Variants in ALDH1A2 observed in about 807,000 individuals in gnomAD.
ALDH1A2 encodes the protein retinal dehydrogenase 2.
Under a neutral mutation model 60.3 loss-of-function variants are expected in ALDH1A2, and 27 were observed. The observed-to-expected ratio is 0.45, with a 90% CI of 0.33 to 0.62. The LOEUF (loss-of-function observed/expected upper bound fraction) is 0.62. Among genes scored for constraint, ALDH1A2 ranks in the 20% least tolerant of loss-of-function variants. The probability of loss-of-function intolerance (pLI) is 0.02; values close to 1 mark genes in which losing one functional copy is unlikely to be tolerated. For synonymous variants in ALDH1A2, 289 were observed against 232.4 expected (o/e 1.24, Z -2.21); for missense variants, 581 against 643.8 (o/e 0.90, Z 1.06).
rs1029640716 is a variant in ALDH1A2 at position 58,005,725 on chromosome 15, T to C, written c.493+4924A>G. On this transcript the variant is annotated intron_variant, in intron 4 of 12. Coordinates refer to ENST00000249750, the MANE Select transcript of ALDH1A2 (RefSeq NM_003888.4). ...TAACAACAAAAAACCCTATTTCAGG[T>C]TCTTTTTTTATGGGTGACCAAACAG... 4.6e-5 allele frequency among the ~76,000 whole-genome samples: 7 copies of C among 152,012 alleles called. No individual in the cohort carries two copies. The East Asian group carries it at 7.8e-4, about 17-fold the overall frequency.
chr15:58,045,880 C>G (rs1359916463), intron 1 of ALDH1A2, among the ~76,000 whole-genome samples: 1 of 151,848 alleles, frequency 6.6e-6, no homozygotes, highest in Non-Finnish European at 1.5e-5. Flanking sequence ...CTTCTTCCAC[C>G]TAAGGGAATT....
intron 1 of ALDH1A2, among the ~76,000 whole-genome samples, chr15:58,061,729 A>C (rs952792531): frequency 2.0e-5 from 3 of 151,748 alleles, no homozygotes; most frequent in Non-Finnish European, 4.4e-5. Context: ...TGTCTTTCTT[A>C]TGAATTATTC....
In ALDH1A2 at chr15:58,038,767, T is replaced by A. The variant is rs1273854818; in HGVS notation, c.118-24486A>T. Among the ~76,000 whole-genome samples the A allele has an allele frequency of 2.6e-5, 4 of 151,800 alleles. No homozygotes were observed. The East Asian group carries it at 7.7e-4, about 29-fold the overall frequency. On this transcript the variant is annotated intron_variant, in intron 1 of 12. Transcript: ENST00000249750. Reference sequence around the variant, plus strand: ...AATGGGAATTGCTACTGGTAATGGTTAATGTTCATTTCTTCCTGTTCCACT... The same window carrying A: ...AATGGGAATTGCTACTGGTAATGGTAAATGTTCATTTCTTCCTGTTCCACT...
intron 1 of ALDH1A2, among the ~76,000 whole-genome samples, chr15:58,027,277 C>G (rs1285545775): frequency 3.3e-5 from 5 of 152,180 alleles, no homozygotes; most frequent in Non-Finnish European, 5.9e-5. Context: ...ACAGCAAACT[C>G]CAACAGACCT....
chr15:57,982,471 CTTTCAT>C (rs1566937145), intron 7 of ALDH1A2, among the ~76,000 whole-genome samples: 1 of 152,116 alleles, frequency 6.6e-6, no homozygotes, highest in Non-Finnish European at 1.5e-5. Flanking sequence ...TTCTGTCAAA[CTTTCAT>C]TTTAAGAAAG....
At chr15:58,054,037 G>A (rs1896837949) in intron 1 of ALDH1A2, among the ~76,000 whole-genome samples, 1 of 152,152 alleles carries the variant, frequency 6.6e-6, no homozygotes, top group South Asian at 2.1e-4. Flanking sequence ...GAAGTCAAAT[G>A]TGGTTATTCC....
chr15:58,065,293 C>G, intron 1 of ALDH1A2: 2 of 542,804 alleles, frequency 3.7e-6, no homozygotes, highest in East Asian at 6.7e-5. Flanking sequence ...CCGTTGACGG[C>G]TGCCCCTCAA....
chr15:58,031,515 G>T (rs1896239639), intron 1 of ALDH1A2, among the ~76,000 whole-genome samples: 1 of 152,054 alleles, frequency 6.6e-6, no homozygotes. Flanking sequence ...TAGACAAATG[G>T]GATTTAATTA....
At chr15:57,998,711 T>G (rs545262577) in intron 4 of ALDH1A2, among the ~76,000 whole-genome samples, 9 of 152,222 alleles carry the variant, frequency 5.9e-5, no homozygotes, top group African/African-American at 2.2e-4. Context: ...ACTTTAAATT[T>G]CATATGGAAC....
chr15:57,986,219 G>T (rs977172806), intron 7 of ALDH1A2, among the ~76,000 whole-genome samples: 1 of 152,136 alleles, frequency 6.6e-6, no homozygotes, highest in Non-Finnish European at 1.5e-5. Context: ...TATGAATCTA[G>T]AGAAAAGGAA....
At chr15:57,992,500 T>C (rs1350933464) in intron 7 of ALDH1A2, among the ~76,000 whole-genome samples, 1 of 152,220 alleles carries the variant, frequency 6.6e-6, no homozygotes, top group Non-Finnish European at 1.5e-5. Context: ...ACAAAAATGC[T>C]CAGATATCTG....
intron 4 of ALDH1A2, 89 bp from the exon 5 acceptor site, chr15:57,995,228 AAAAAAAAAC>A (rs1177362556): frequency 8.0e-5 from 60 of 751,986 alleles, no homozygotes; most frequent in Admixed American, 1.2e-4. Context: ...AAAAAAAAAA[AAAAAAAAAC>A]AAACAGAAAT....
intron 7 of ALDH1A2, among the ~76,000 whole-genome samples, chr15:57,977,367 T>C (rs1894299121): frequency 6.6e-6 from 1 of 152,252 alleles, no homozygotes; most frequent in Admixed American, 6.5e-5. Context: ...AGGATTTTTA[T>C]GGTTTTAGTT....
At chr15:57,963,003 C>T (rs944982856) in intron 9 of ALDH1A2, among the ~76,000 whole-genome samples, 1 of 152,132 alleles carries the variant, frequency 6.6e-6, no homozygotes, top group Non-Finnish European at 1.5e-5. Flanking sequence ...CTTTGTGGCC[C>T]TCCCCACCCC....
At chr15:57,962,986 GGA>G (rs1400042568) in intron 9 of ALDH1A2, among the ~76,000 whole-genome samples, 2 of 152,290 alleles carry the variant, frequency 1.3e-5, no homozygotes, top group African/African-American at 4.8e-5. Flanking sequence ...AGGCTGTTCA[GGA>G]GAGACTTTGT....
intron 1 of ALDH1A2, among the ~76,000 whole-genome samples, chr15:58,062,774 G>A (rs1185065749): frequency 1.3e-5 from 2 of 152,140 alleles, no homozygotes; most frequent in Non-Finnish European, 2.9e-5. Context: ...AATACAAATA[G>A]ACATGTTCCA....
chr15:58,010,869 A>C, intron 3 of ALDH1A2, 91 bp from the exon 4 acceptor site: 1 of 1,505,682 alleles, frequency 6.6e-7, no homozygotes, highest in Non-Finnish European at 9.1e-7. Flanking sequence ...GAAGAGAGAG[A>C]ATACAAATGC....
rs113681914 is a variant in ALDH1A2, at chr15:58,055,727, C to G, written c.117+9807G>C. 1.7e-3 allele frequency among the ~76,000 whole-genome samples: 261 copies of G among 152,036 alleles called. 1 individual carries two copies. The highest frequency in any genetic ancestry group is 3.1e-3 in the Non-Finnish European group (214 of 67,938). On this transcript the variant is annotated intron_variant, in intron 1 of 12. Coordinates refer to ENST00000249750, the MANE Select transcript of ALDH1A2 (RefSeq NM_003888.4). ...TATGAACCAAATCACTGATGAAATT[C>G]AAACACAAAGGTAAATATATACACC...
chr15:58,045,394 G>A lies in ALDH1A2; in HGVS notation c.117+20140C>T, dbSNP rs367567174. 4.6e-5 allele frequency among the ~76,000 whole-genome samples: 7 copies of A among 152,148 alleles called. No homozygotes were observed. The East Asian group carries it at 1.2e-3, about 25-fold the overall frequency. On this transcript the variant is annotated intron_variant, in intron 1 of 12. Coordinates refer to ENST00000249750, the MANE Select transcript of ALDH1A2 (RefSeq NM_003888.4). ...TTTCACCCAGTGATCCCATTACTGG[G>A]TATATACCCAAAGGATTATAAATCA...
Sources: allele counts gnomAD v4.1 joint callset (sites outside exome capture counted in the v4.1 genomes callset), GRCh38; gene constraint gnomAD v4.1.1; transcripts MANE v1.5; gene names NCBI Gene and HGNC (gene_info 2026-07-23, HGNC 2026-07-21).